TRAF7: variants seen among roughly 807,000 people sequenced by gnomAD.
The protein encoded by TRAF7 is E3 ubiquitin-protein ligase TRAF7.
Under a neutral mutation model 89.3 loss-of-function variants are expected in TRAF7, and 45 were observed. That is an observed-to-expected ratio of 0.50 (90% confidence interval 0.40 to 0.65). The LOEUF (loss-of-function observed/expected upper bound fraction) is 0.65. Among genes scored for constraint, TRAF7 ranks in the 30% least tolerant of loss-of-function variants. The probability of loss-of-function intolerance (pLI) is 0.00; values close to 1 mark genes in which losing one functional copy is unlikely to be tolerated. For synonymous variants in TRAF7, 406 were observed against 369.2 expected (o/e 1.10, Z -1.14); for missense variants, 677 against 918.1 (o/e 0.74, Z 3.39).
chr16:2,171,256 G>A lies in TRAF7; in HGVS notation c.349-8G>A. ...CCGCCATCGCCTGCCTTTCCCGCTT[G>A]GTTCCAGGAGCCACTGGTGTTTGCG... On this transcript the variant is annotated splice_polypyrimidine_tract_variant and splice_region_variant and intron_variant, in intron 5 of 20. Coordinates refer to ENST00000326181, the MANE Select transcript of TRAF7 (RefSeq NM_032271.3). 1 of 1,541,688 alleles carries A rather than the reference G, an allele frequency of 6.5e-7. No homozygotes were observed.
In TRAF7 at chr16:2,170,715, G is replaced by T; in HGVS notation, c.333G>T (p.Glu111Asp). Residue 111 changes from glutamate (E) to aspartate (D), a missense_variant, in exon 5 of 21, where the codon GAG becomes GAT. Glu to Asp is a conservative substitution (Grantham distance 45). Transcript: ENST00000326181. ...MSLRSTFSLP[E>D]EEEEPEPLVF... ...TGCGCTCCACATTCTCACTGCCCGA[G>T]GAGGAGGAGGAGCCGGTAGGTGTGG... The T allele has an allele frequency of 6.3e-7, 1 of 1,587,370 alleles. No homozygotes were observed.
chr16:2,176,963 G>C lies in TRAF7; in HGVS notation c.*389G>C. The C allele has an allele frequency of 2.4e-6, 1 of 424,396 alleles. No homozygotes were observed. 26.3% of individuals were successfully genotyped at this position (424,396 alleles called of 1,614,324 possible). ...GGCTGTGAGTGGGGACAGCTCCTCG[G>C]GACAAGGGGGCTGTGTGTGGCCTTG... On this transcript the variant is annotated 3_prime_UTR_variant, in exon 21 of 21. Transcript: ENST00000326181.
At chr16:2,166,200 G>T (rs190747597) in intron 3 of TRAF7, among the ~76,000 whole-genome samples, 1 of 152,202 alleles carries the variant, frequency 6.6e-6, no homozygotes, top group East Asian at 1.9e-4. Flanking sequence ...CCTCTAGGGA[G>T]GCTTGCCCTG....
intron 6 of TRAF7, 99 bp from the exon 7 acceptor site, chr16:2,171,473 C>A (rs1449105924): frequency 1.3e-6 from 2 of 1,578,012 alleles, no homozygotes; most frequent in South Asian, 1.1e-5. Flanking sequence ...CCTGGCTGCA[C>A]TGGGCTTGGG....
rs1465332303 is a variant in TRAF7 at position 2,163,980 on chromosome 16, C to T, written c.60C>T (p.Pro20=). ...TCTCCGGGGGGCCCAGCAATCTTCC[C>T]ACCCCAGACGTCACCACAGGGGTAA... ...NRFSGGPSNL[P]TPDVTTGTRM... The change falls in exon 2 of 21, where the codon CCC becomes CCT. Residue 20 remains proline, a synonymous_variant. Coordinates refer to ENST00000326181, the MANE Select transcript of TRAF7 (RefSeq NM_032271.3). This position sits in a 1 kb window ranked among gnomAD's most constrained non-coding sequence, Gnocchi z 4.3. 1 of 1,609,830 alleles carries T rather than the reference C, an allele frequency of 6.2e-7. No homozygotes were observed. Among genetic ancestry groups the T allele is most frequent in the Non-Finnish European group, 8.5e-7 (1 of 1,179,208 alleles).
intron 9 of TRAF7, among the ~76,000 whole-genome samples, chr16:2,172,844 T>G (rs2093118964): frequency 8.5e-6 from 1 of 117,760 alleles, no homozygotes; most frequent in Non-Finnish European, 1.7e-5. Flanking sequence ...ATGCTGGGGT[T>G]GAGAGCTTTG....
rs1323295837 is a variant in TRAF7, at chr16:2,164,179, CGCACGCGTGCGT to C, written c.81+180_81+191del. On this transcript the variant is annotated intron_variant, in intron 2 of 20. Transcript: ENST00000326181. Reference sequence around the variant, plus strand: ...GTGTGTGCGCGCGCGCGCGCGCGCGCGCACGCGTGCGTGTGTGGTTGGGGCGTGTTAGTGCTG... The same window carrying C: ...GTGTGTGCGCGCGCGCGCGCGCGCGCGTGTGGTTGGGGCGTGTTAGTGCTG... Among the ~76,000 whole-genome samples the C allele has an allele frequency of 1.2e-4, 14 of 120,920 alleles. No individual in the cohort carries two copies. The South Asian group carries it at 2.5e-3, about 21-fold the overall frequency. 79.3% of individuals were successfully genotyped at this position (120,920 alleles called of 152,430 possible).
In TRAF7 at chr16:2,170,579, G is replaced by A. The variant is rs753427782; in HGVS notation, c.232-35G>A. ...CCTCCCCGAGGCTCTGACCCCGTGC[G>A]GAGCCCCCCGACAGGCGCCTCTCCC... is the stretch of plus-strand genomic sequence containing the variant. On this transcript the variant is annotated intron_variant, in intron 4 of 20. Transcript: ENST00000326181. 2.5e-5 allele frequency: 39 copies of A among 1,549,306 alleles called. No homozygotes were observed. In the Admixed American group the frequency reaches 3.7e-4, roughly 15 times the overall value.
chr16:2,176,361 G>A lies in TRAF7; in HGVS notation c.1975G>A (p.Gly659Arg). The A allele has an allele frequency of 1.9e-6, 3 of 1,606,932 alleles. No individual in the cohort carries two copies. Among genetic ancestry groups the A allele is most frequent in the Non-Finnish European group, 2.5e-6 (3 of 1,178,598 alleles). ...LAVSRGRLFS[G>R]AVDSTVKVWT... ...TGTGTCCCGGGGCCGACTCTTCTCA[G>A]GGGCTGTGGATAGCACTGTGAAGGT... The change falls in exon 20 of 21, where the codon GGG (glycine) becomes AGG (arginine). Residue 659 changes from glycine to arginine, a missense_variant. Coordinates refer to ENST00000326181, the MANE Select transcript of TRAF7 (RefSeq NM_032271.3).
chr16:2,173,859 T>TGGGGGGGGGCCC, intron 12 of TRAF7, 23 bp downstream of exon 12: 1 of 1,246,248 alleles, frequency 8.0e-7, no homozygotes, highest in Non-Finnish European at 1.1e-6. Context: ...CCGCCGTGGC[T>TGGGGGGGGGCCC]CCCGCCCACC....
rs367935643 is a variant in TRAF7, at chr16:2,176,629, C to T, written c.*55C>T. 19 of 1,612,640 alleles carry T rather than the reference C, an allele frequency of 1.2e-5. No homozygotes were observed. The African/African-American group carries it at 2.3e-4, about 19-fold the overall frequency. ...TGAACCAGCCCTGGACCTTTCTGAG[C>T]CAGGCTGGCCACATGGGGTGGTCTC... On this transcript the variant is annotated 3_prime_UTR_variant, in exon 21 of 21. Transcript: ENST00000326181.
chr16:2,170,471 C>T (rs1356664242), intron 4 of TRAF7, 143 bp from the exon 5 acceptor site: 5 of 634,700 alleles, frequency 7.9e-6, no homozygotes, highest in East Asian at 2.8e-5. Context: ...CCACGGCCCC[C>T]GTGGACGAGG....
chr16:2,164,592 G>A lies in TRAF7; in HGVS notation c.81+591G>A, dbSNP rs368891865. On this transcript the variant is annotated intron_variant, in intron 2 of 20. Transcript: ENST00000326181. ...GTTAAGCATGTTAGTGCTACGTGGC[G>A]CGGCCTGGTCGCATGGTTAAGCGTG... Among the ~76,000 whole-genome samples, 172 of 116,736 alleles carry A rather than the reference G, an allele frequency of 1.5e-3. 4 individuals are homozygous for A. The East Asian group carries it at 0.036, about 25-fold the overall frequency. 76.6% of individuals were successfully genotyped at this position (116,736 alleles called of 152,430 possible). A position where few individuals can be genotyped will look rare whatever the true frequency, so the allele number is the denominator to read the frequency against.
At position 2,162,085 on chromosome 16, in the gene TRAF7, T is replaced by A. The variant is rs1452269161; in HGVS notation, c.-38-1798T>A. Reference sequence around the variant, plus strand: ...GGCCAGGCCCCATCTCCCGAGACCATGGGACGCAAAGATCAGGTGGGGCCA... The same window carrying A: ...GGCCAGGCCCCATCTCCCGAGACCAAGGGACGCAAAGATCAGGTGGGGCCA... On this transcript the variant is annotated intron_variant, in intron 1 of 20. Transcript: ENST00000326181. The surrounding 1 kb of genome is among the most constrained non-coding windows in gnomAD (Gnocchi z 5.0). Among the ~76,000 whole-genome samples, 1 of 152,040 alleles carries A rather than the reference T, an allele frequency of 6.6e-6. No homozygotes were observed. The highest frequency in any genetic ancestry group is 2.4e-5 in the African/African-American group (1 of 41,386).
At position 2,163,319 on chromosome 16, in the gene TRAF7, G is replaced by A. The variant is rs1944314869; in HGVS notation, c.-38-564G>A. 6.6e-6 allele frequency among the ~76,000 whole-genome samples: 1 copy of A among 152,228 alleles called. No homozygotes were observed. Among genetic ancestry groups the A allele is most frequent in the African/African-American group, 2.4e-5 (1 of 41,468 alleles). On this transcript the variant is annotated intron_variant, in intron 1 of 20. Coordinates refer to ENST00000326181, the MANE Select transcript of TRAF7 (RefSeq NM_032271.3). The surrounding 1 kb of genome is among the most constrained non-coding windows in gnomAD (Gnocchi z 4.3). ...TTCCGTGCAGTGCGGTTTGTGTGGA[G>A]TTGGGCTCCGGTGACTCACCCTGCA...
At chr16:2,165,851 G>A in intron 2 of TRAF7, 28 bp from the exon 3 acceptor site, 1 of 1,613,894 alleles carries the variant, frequency 6.2e-7, no homozygotes, top group South Asian at 1.1e-5. Flanking sequence ...CCCGGAATGA[G>A]GCCAGGTCTC....
At chr16:2,156,472 CA>C (rs2093035094) in intron 1 of TRAF7, among the ~76,000 whole-genome samples, 1 of 152,124 alleles carries the variant, frequency 6.6e-6, no homozygotes, top group African/African-American at 2.4e-5. Context: ...TCATGGGGAG[CA>C]GCGGTATGTG....
chr16:2,161,017 A>G lies in TRAF7; in HGVS notation c.-38-2866A>G, dbSNP rs371114683. 6.6e-6 allele frequency among the ~76,000 whole-genome samples: 1 copy of G among 152,022 alleles called. No homozygotes were observed. Among genetic ancestry groups the G allele is most frequent in the African/African-American group, 2.4e-5 (1 of 41,402 alleles). ...GGGGAGGCCTCGGGCATCTTGCTCAATTCCGAGGTGCGGGGATGGATCCTG... is the reference window on the plus strand; with the variant it reads ...GGGGAGGCCTCGGGCATCTTGCTCAGTTCCGAGGTGCGGGGATGGATCCTG... On this transcript the variant is annotated intron_variant, in intron 1 of 20. Coordinates refer to ENST00000326181, the MANE Select transcript of TRAF7 (RefSeq NM_032271.3). The surrounding 1 kb of genome is among the most constrained non-coding windows in gnomAD (Gnocchi z 5.2).
At position 2,176,144 on chromosome 16, in the gene TRAF7, C is replaced by T. The variant is rs1357408145; in HGVS notation, c.1842C>T (p.Thr614=). The change falls in exon 19 of 21, where the codon ACC becomes ACT. Residue 614 remains threonine (T), a synonymous_variant. Transcript: ENST00000326181. ...ALAVISTPDQ[T]KVFSASYDRS... ...CGGTCATCTCGACGCCAGACCAGAC[C>T]AAAGTCTTCAGTGCATCCTACGACC... 2 of 1,609,882 alleles carry T rather than the reference C, an allele frequency of 1.2e-6. No homozygotes were observed. The highest frequency in any genetic ancestry group is 2.2e-5 in the South Asian group (2 of 90,970).
Sources: gnomAD v4.1 joint callset for allele counts (sites outside exome capture counted in the v4.1 genomes callset) on GRCh38, gnomAD v4.1.1 for gene constraint, Gnocchi (gnomAD v3.1) non-coding constraint, MANE v1.5 for transcripts, NCBI Gene and HGNC (gene_info 2026-07-23, HGNC 2026-07-21) for gene names.